The following ZAP70 variants were observed in gnomAD, a reference collection of about 807,000 sequenced individuals.
ZAP70 encodes tyrosine-protein kinase ZAP-70.
ZAP70 carries 27 observed loss-of-function variants against 65.8 expected under a neutral mutation model. The ratio of observed to expected loss-of-function variants is 0.41; its 90% CI spans 0.30 to 0.57. The LOEUF is 0.57. ZAP70 is among the 20% of genes least tolerant of loss of function. The pLI is 0.28. For synonymous variants in ZAP70, 363 were observed against 360.8 expected (o/e 1.01, Z -0.07); for missense variants, 696 against 870.5 (o/e 0.80, Z 2.52).
Position 97,739,258 on chromosome 2 carries a change from GCTGA to G in ZAP70, c.1737-114_1737-111del, listed in dbSNP as rs1288273028. On this transcript the variant is annotated intron_variant, in intron 13 of 13. Coordinates refer to ENST00000264972, the MANE Select transcript of ZAP70 (RefSeq NM_001079.4). ...AATGTCCCGCCACCCCAACAGCCCTGCTGACTTTCTGAGCCCCAAAAGTCTACCT... is the reference window on the plus strand; with the variant it reads ...AATGTCCCGCCACCCCAACAGCCCTGCTTTCTGAGCCCCAAAAGTCTACCT... 13 of 1,508,812 alleles carry G rather than the reference GCTGA, an allele frequency of 8.6e-6. No individual in the cohort carries two copies. In the African/African-American group the frequency reaches 1.4e-4, roughly 16 times the overall value. 93.5% of individuals were successfully genotyped at this position (1,508,812 alleles called of 1,614,324 possible).
At chr2:97,721,579 G>GA (rs1198285421) in intron 2 of ZAP70, among the ~76,000 whole-genome samples, 1,073 of 100,970 alleles carry the variant, frequency 0.011, 11 homozygotes, top group African/African-American at 0.034. Flanking sequence ...ATGGCTGGCT[G>GA]ATTTTTTTTT....
intron 6 of ZAP70, 25 bp downstream of exon 6, chr2:97,733,237 G>A: frequency 6.2e-7 from 1 of 1,610,520 alleles, no homozygotes; most frequent in Non-Finnish European, 8.5e-7. Context: ...CGGGCGGGCG[G>A]TGGGCGGGGG....
chr2:97,724,332 G>C lies in ZAP70; in HGVS notation c.296G>C (p.Arg99Pro), dbSNP rs1183754253. The C allele has an allele frequency of 1.3e-6, 2 of 1,569,586 alleles. No individual in the cohort carries two copies. Among genetic ancestry groups the C allele is most frequent in the Non-Finnish European group, 1.7e-6 (2 of 1,157,868 alleles). Residue 99 changes from arginine (R) to proline (P), a missense_variant, in exon 3 of 14, where the codon CGC (arginine) becomes CCC (proline). Arg to Pro is a moderately radical substitution (Grantham distance 103). Coordinates refer to ENST00000264972, the MANE Select transcript of ZAP70 (RefSeq NM_001079.4). ...RDPDGLPCNL[R>P]KPCNRPSGLE... ...CCCGACGGGCTGCCCTGCAACCTGC[G>C]CAAGCCGTGCAACCGGCCGTCGGGC...
At chr2:97,734,861 AT>A in intron 9 of ZAP70, 149 bp downstream of exon 9, 5 of 961,898 alleles carry the variant, frequency 5.2e-6, no homozygotes, top group Non-Finnish European at 7.6e-6. Flanking sequence ...ACGCTGGAGG[AT>A]TCCCTGAGAG....
chr2:97,724,078 C>A lies in ZAP70; in HGVS notation c.42C>A (p.Ser14Arg). ...CGCACCTGCCCTTCTTCTACGGCAGCATCTCGCGTGCCGAGGCCGAGGAGC... is the reference window on the plus strand; with the variant it reads ...CGCACCTGCCCTTCTTCTACGGCAGAATCTCGCGTGCCGAGGCCGAGGAGC... ...PAAHLPFFYG[S>R]ISRAEAEEHL... The change falls in exon 3 of 14, where the codon AGC becomes AGA. Residue 14 changes from serine (S) to arginine (R), a missense_variant. Ser to Arg is a moderately radical substitution (Grantham distance 110). This residue lies in a region of ZAP70 where 551 missense variants were observed against 630.0 expected (regional missense o/e 0.87). Coordinates refer to ENST00000264972, the MANE Select transcript of ZAP70 (RefSeq NM_001079.4). 6.4e-7 allele frequency: 1 copy of A among 1,559,418 alleles called. No individual in the cohort carries two copies. Among genetic ancestry groups the A allele is most frequent in the Non-Finnish European group, 8.6e-7 (1 of 1,156,946 alleles).
At chr2:97,732,766 G>A in intron 4 of ZAP70, 117 bp from the exon 5 acceptor site, 1 of 1,469,710 alleles carries the variant, frequency 6.8e-7, no homozygotes, top group Non-Finnish European at 9.3e-7. Context: ...AGTCCCTGCA[G>A]CTTCTCTGCA....
In ZAP70 at chr2:97,739,704, G is replaced by GCACAGCCGCACCCTC; in HGVS notation, c.*207_*208insACAGCCGCACCCTCC. The GCACAGCCGCACCCTC allele has an allele frequency of 2.5e-6, 2 of 806,296 alleles. No individual in the cohort carries two copies. The highest frequency in any genetic ancestry group is 3.8e-6 in the Non-Finnish European group (2 of 522,290). The allele number at this position is 806,296 out of a possible 1,614,324, so 49.9% of individuals were successfully genotyped here. A position where few individuals can be genotyped will look rare whatever the true frequency, so the allele number is the denominator to read the frequency against. On this transcript the variant is annotated 3_prime_UTR_variant, in exon 14 of 14. Coordinates refer to ENST00000264972, the MANE Select transcript of ZAP70 (RefSeq NM_001079.4). ...GGGGAGCAGGGAGGTCCGGGAGGGT[G>GCACAGCCGCACCCTC]CGGCTGTGCAGCCTGTCCTGGGCTG... is the stretch of plus-strand genomic sequence containing the variant.
At chr2:97,720,481 C>T (rs544211197) in intron 2 of ZAP70, among the ~76,000 whole-genome samples, 3 of 151,718 alleles carry the variant, frequency 2.0e-5, no homozygotes, top group Non-Finnish European at 4.4e-5. Flanking sequence ...CCGCCTGCCT[C>T]GGCCTCCCAA....
chr2:97,738,917 C>T (rs115081869), intron 13 of ZAP70, among the ~76,000 whole-genome samples: 1,775 of 152,246 alleles, frequency 0.012, 16 homozygotes, highest in Non-Finnish European at 0.021. Flanking sequence ...TTAATACTGC[C>T]GCTCCCCGCT....
chr2:97,735,072 C>G, intron 9 of ZAP70, 178 bp from the exon 10 acceptor site: 1 of 757,888 alleles, frequency 1.3e-6, no homozygotes, highest in African/African-American at 1.7e-5. Flanking sequence ...GGCTGTGAGC[C>G]GTCCTCAGCA....
At chr2:97,724,864 C>T in intron 3 of ZAP70, 1 of 1,528,144 alleles carries the variant, frequency 6.5e-7, no homozygotes, top group Non-Finnish European at 8.8e-7. Context: ...GGTCTTCAAG[C>T]TGGAGATGCG....
chr2:97,737,508 T>C lies in ZAP70; in HGVS notation c.1325T>C (p.Leu442Pro), dbSNP rs770105318. 6 of 1,613,994 alleles carry C rather than the reference T, an allele frequency of 3.7e-6. No homozygotes were observed. The highest frequency in any genetic ancestry group is 1.7e-6 in the Non-Finnish European group (2 of 1,179,980). Reference sequence around the variant, plus strand: ...CCTGTGAGCAATGTGGCCGAGCTGCTGCACCAGGTGTCCATGGGGATGAAG... The same window carrying C: ...CCTGTGAGCAATGTGGCCGAGCTGCCGCACCAGGTGTCCATGGGGATGAAG... ...EIPVSNVAELLHQVSMGMKYL... is the reference protein window; with the variant it reads ...EIPVSNVAELPHQVSMGMKYL... Residue 442 changes from leucine (L) to proline (P), a missense_variant, in exon 11 of 14, where the codon CTG (leucine) becomes CCG (proline). This residue lies in a region of ZAP70 where 551 missense variants were observed against 630.0 expected (regional missense o/e 0.87). Transcript: ENST00000264972. The surrounding 1 kb of genome is among the most constrained non-coding windows in gnomAD (Gnocchi z 5.0).
chr2:97,728,942 A>C (rs2104675798), intron 4 of ZAP70, among the ~76,000 whole-genome samples: 1 of 152,298 alleles, frequency 6.6e-6, no homozygotes, highest in South Asian at 2.1e-4. Context: ...CAGTAGAGAC[A>C]GGGTTTTGCC....
Position 97,724,437 on chromosome 2 carries a change from A to G in ZAP70, c.401A>G (p.Glu134Gly). The change falls in exon 3 of 14, where the codon GAG becomes GGG. Residue 134 changes from glutamate to glycine, a missense_variant and splice_region_variant. Glu to Gly is a moderately conservative substitution (Grantham distance 98). This residue lies in a region of ZAP70 where 551 missense variants were observed against 630.0 expected (regional missense o/e 0.87). Coordinates refer to ENST00000264972, the MANE Select transcript of ZAP70 (RefSeq NM_001079.4). ...RDYVRQTWKL[E>G]GEALEQAIIS... The stretch of plus-strand genomic sequence containing the variant: ...TACGTGCGCCAGACGTGGAAGCTGG[A>G]GGTGAGAGCGCAGCCTGGGGCGCGG... 5 of 1,532,500 alleles carry G rather than the reference A, an allele frequency of 3.3e-6. No homozygotes were observed. The highest frequency in any genetic ancestry group is 4.4e-6 in the Non-Finnish European group (5 of 1,141,088). The allele number at this position is 1,532,500 out of a possible 1,614,324, so 94.9% of individuals were successfully genotyped here.
At position 97,739,716 on chromosome 2, in the gene ZAP70, C is replaced by G. The variant is rs1348451978; in HGVS notation, c.*218C>G. ...GGTCCGGGAGGGTGCGGCTGTGCAGCCTGTCCTGGGCTGGTGGCTCCCGGA... is the reference window on the plus strand; with the variant it reads ...GGTCCGGGAGGGTGCGGCTGTGCAGGCTGTCCTGGGCTGGTGGCTCCCGGA... On this transcript the variant is annotated 3_prime_UTR_variant, in exon 14 of 14. Transcript: ENST00000264972. 3 of 721,300 alleles carry G rather than the reference C, an allele frequency of 4.2e-6. No homozygotes were observed. Among genetic ancestry groups the G allele is most frequent in the East Asian group, 2.8e-5 (1 of 36,296 alleles). The allele number at this position is 721,300 out of a possible 1,614,324, so 44.7% of individuals were successfully genotyped here.
chr2:97,725,033 G>T (rs775154557), intron 3 of ZAP70, 59 bp from the exon 4 acceptor site: 51 of 1,606,966 alleles, frequency 3.2e-5, no homozygotes, highest in Non-Finnish European at 4.1e-5. Context: ...TCCCGGAAGG[G>T]GGTTCCTGTG....
intron 9 of ZAP70, 67 bp downstream of exon 9, chr2:97,734,779 T>C: frequency 1.3e-6 from 2 of 1,590,360 alleles, no homozygotes; most frequent in Non-Finnish European, 1.7e-6. Flanking sequence ...TTCACCGGGC[T>C]GTGGGACGGG....
At chr2:97,743,512 T>G (rs565914205), downstream of ZAP70, among the ~76,000 whole-genome samples, 1 of 152,274 alleles carries the variant, frequency 6.6e-6, no homozygotes, top group African/African-American at 2.4e-5. Context: ...ATTTTTGTAT[T>G]TTTAGTAGAG....
chr2:97,722,979 T>G (rs970647579), intron 2 of ZAP70, among the ~76,000 whole-genome samples: 9 of 152,206 alleles, frequency 5.9e-5, no homozygotes, highest in Admixed American at 5.2e-4. Context: ...ACATCTTAAG[T>G]GTACATTCTC....
Sources: gnomAD v4.1 joint callset for allele counts (sites outside exome capture counted in the v4.1 genomes callset) on GRCh38, gnomAD v4.1.1 for gene constraint, gnomAD v4.1.1 regional missense constraint, Gnocchi (gnomAD v3.1) non-coding constraint, MANE v1.5 for transcripts, NCBI Gene and HGNC (gene_info 2026-07-23, HGNC 2026-07-21) for gene names.